Variants in PIBF1 observed in about 807,000 individuals in gnomAD.
The protein encoded by PIBF1 is progesterone-induced-blocking factor 1.
In PIBF1, 90 loss-of-function variants were observed where a neutral mutation model predicts 112.5. The ratio of observed to expected loss-of-function variants is 0.80; its 90% confidence interval spans 0.67 to 0.95. The LOEUF (loss-of-function observed/expected upper bound fraction) is 0.95. PIBF1 is among the 40% of genes least tolerant of loss of function. The pLI, the probability that PIBF1 is intolerant of heterozygous loss-of-function variation, is 0.00. For missense variants in PIBF1, 915 were observed against 852.3 expected (o/e 1.07, Z -0.92); for synonymous variants, 301 against 288.6 (o/e 1.04, Z -0.44).
chr13:72,996,942 A>G (rs1175748387), intron 16 of PIBF1, among the ~76,000 whole-genome samples: 1 of 152,216 alleles, frequency 6.6e-6, no homozygotes, highest in Non-Finnish European at 1.5e-5. Context: ...CTGATCTTAA[A>G]GTGTTCTTTG....
At position 73,005,919 on chromosome 13, in the gene PIBF1, C is replaced by CAT. The variant is rs570891098; in HGVS notation, c.2223+6924_2223+6925insAT. Reference sequence around the variant, plus strand: ...TTTGTGTTTAGAAGTTCTGGTTTCACTTTTTTTTTTTTTTTTTTGAAATGG... The same window carrying CAT: ...TTTGTGTTTAGAAGTTCTGGTTTCACATTTTTTTTTTTTTTTTTTTGAAATGG... On this transcript the variant is annotated intron_variant, in intron 17 of 17. Transcript: ENST00000326291. Among the ~76,000 whole-genome samples, 3 of 132,788 alleles carry CAT rather than the reference C, an allele frequency of 2.3e-5. No individual in the cohort carries two copies. The East Asian group carries it at 6.6e-4, about 29-fold the overall frequency. 87.1% of individuals were successfully genotyped at this position (132,788 alleles called of 152,430 possible).
At chr13:72,792,930 T>C (rs2035010559) in intron 3 of PIBF1, among the ~76,000 whole-genome samples, 1 of 152,228 alleles carries the variant, frequency 6.6e-6, no homozygotes. Flanking sequence ...TGTGGGCTTA[T>C]CATGCTTAAA....
chr13:72,946,356 C>T (rs141004062), intron 14 of PIBF1, among the ~76,000 whole-genome samples: 2 of 152,266 alleles, frequency 1.3e-5, no homozygotes, highest in African/African-American at 2.4e-5. Context: ...CACTGGGTCC[C>T]TCCCACAACA....
intron 16 of PIBF1, among the ~76,000 whole-genome samples, chr13:72,982,094 T>A (rs1047168202): frequency 1.3e-5 from 2 of 152,222 alleles, no homozygotes; most frequent in African/African-American, 4.8e-5. Flanking sequence ...ACTCAATGAA[T>A]GTAGTTCCCT....
intron 16 of PIBF1, among the ~76,000 whole-genome samples, chr13:72,992,671 C>T (rs137878412): frequency 6.6e-6 from 1 of 152,208 alleles, no homozygotes; most frequent in East Asian, 1.9e-4. Flanking sequence ...ATTAGCCAGG[C>T]ATGGTGGTAC....
intron 5 of PIBF1, among the ~76,000 whole-genome samples, chr13:72,806,622 G>A (rs1253801281): frequency 1.3e-5 from 2 of 152,092 alleles, no homozygotes; most frequent in African/African-American, 4.8e-5. Flanking sequence ...AACATGTGGT[G>A]TTTGGTTTTC....
chr13:72,877,312 T>C (rs1566393807), intron 10 of PIBF1, among the ~76,000 whole-genome samples: 1 of 152,212 alleles, frequency 6.6e-6, no homozygotes, highest in African/African-American at 2.4e-5. Flanking sequence ...TTTGCATCTA[T>C]ATTAATGAGA....
chr13:72,902,006 A>ATGTGTGTGTGTGTGTGTGTGTGTGTG (rs137877705), intron 11 of PIBF1, among the ~76,000 whole-genome samples: 20,929 of 147,660 alleles, frequency 0.14, 1,914 homozygotes, highest in Admixed American at 0.26. Flanking sequence ...GTGTATGTAT[A>ATGTGTGTGTGTGTGTGTGTGTGTGTG]TGTGTGTGTG....
At chr13:72,909,144 GTTCATC>G (rs1200678284) in intron 12 of PIBF1, among the ~76,000 whole-genome samples, 3 of 152,086 alleles carry the variant, frequency 2.0e-5, no homozygotes, top group Admixed American at 6.5e-5. Flanking sequence ...TCAAATATTT[GTTCATC>G]TTCATCTTAG....
intron 16 of PIBF1, among the ~76,000 whole-genome samples, chr13:72,980,806 CAA>C (rs1181562078): frequency 7.9e-5 from 9 of 114,516 alleles, no homozygotes; most frequent in Non-Finnish European, 7.4e-5. Flanking sequence ...GCCCTATCTC[CAA>C]AAAAAAAAAA....
In PIBF1 at chr13:72,794,460, A is replaced by G. The variant is rs1030014441; in HGVS notation, c.354-899A>G. On this transcript the variant is annotated intron_variant, in intron 3 of 17. Transcript: ENST00000326291. ...GATTGATATAGTAGGGAAGGGGAAAATCAGTAATATGATTTGGCTGTGTCC... is the reference window on the plus strand; with the variant it reads ...GATTGATATAGTAGGGAAGGGGAAAGTCAGTAATATGATTTGGCTGTGTCC... Among the ~76,000 whole-genome samples the G allele has an allele frequency of 1.6e-4, 25 of 152,008 alleles. 1 individual carries two copies. Among genetic ancestry groups the G allele is most frequent in the Admixed American group, 1.3e-3 (20 of 15,260 alleles).
At chr13:72,895,897 T>C (rs2040263642) in intron 11 of PIBF1, among the ~76,000 whole-genome samples, 1 of 152,172 alleles carries the variant, frequency 6.6e-6, no homozygotes, top group African/African-American at 2.4e-5. Flanking sequence ...CAACTCACTC[T>C]GGGCCTGGAA....
chr13:72,900,994 C>T, intron 11 of PIBF1: 1 of 396,772 alleles, frequency 2.5e-6, no homozygotes, highest in Non-Finnish European at 5.0e-6. Context: ...TCCGCTGCAC[C>T]CTGGGCAACC....
intron 6 of PIBF1, among the ~76,000 whole-genome samples, chr13:72,823,420 CATG>C (rs1276341779): frequency 6.6e-6 from 1 of 152,030 alleles, no homozygotes; most frequent in Non-Finnish European, 1.5e-5. Context: ...GATCAAAAAG[CATG>C]ATAAGCATCT....
At chr13:72,866,945 T>C (rs2038954628) in intron 10 of PIBF1, among the ~76,000 whole-genome samples, 1 of 152,318 alleles carries the variant, frequency 6.6e-6, no homozygotes, top group Middle Eastern at 3.4e-3. Flanking sequence ...TGTGAAGATA[T>C]GCTGAATTCA....
At chr13:72,940,459 C>G (rs1419446963) in intron 14 of PIBF1, among the ~76,000 whole-genome samples, 7 of 152,234 alleles carry the variant, frequency 4.6e-5, no homozygotes, top group Admixed American at 4.6e-4. Flanking sequence ...TTCTTGCCTA[C>G]TAATTCTATT....
chr13:72,913,067 T>G (rs187281296), intron 12 of PIBF1, among the ~76,000 whole-genome samples: 15 of 151,878 alleles, frequency 9.9e-5, no homozygotes, highest in East Asian at 7.7e-4. Context: ...AAATTTTTTT[T>G]TTTATTTTTA....
chr13:72,844,754 C>CACACACACACGGATGAAGTCTTACTGTTT (rs1555296154), intron 9 of PIBF1, among the ~76,000 whole-genome samples: 2,035 of 102,162 alleles, frequency 0.02, 161 homozygotes, highest in Middle Eastern at 0.044. Flanking sequence ...CACACACACA[C>CACACACACACGGATGAAGTCTTACTGTTT]ACACACACAC....
chr13:72,846,301 CTATTCAT>C (rs2037877449), intron 9 of PIBF1, among the ~76,000 whole-genome samples: 1 of 152,144 alleles, frequency 6.6e-6, no homozygotes, highest in African/African-American at 2.4e-5. Context: ...ATTCCATATT[CTATTCAT>C]TAGCAAATCC....
Sources: allele counts gnomAD v4.1 joint callset (sites outside exome capture counted in the v4.1 genomes callset), GRCh38; gene constraint gnomAD v4.1.1; transcripts MANE v1.5; gene names NCBI Gene and HGNC (gene_info 2026-07-23, HGNC 2026-07-21).